Variants in CAMK2G observed in about 807,000 individuals in gnomAD.
CAMK2G encodes calcium/calmodulin-dependent protein kinase type II subunit gamma.
In CAMK2G, 23 loss-of-function variants were observed where a neutral mutation model predicts 88.7. That is an observed-to-expected ratio of 0.26 (90% CI 0.19 to 0.37). The LOEUF is 0.37. Ranked by LOEUF, CAMK2G falls within the 10% of genes least tolerant of loss-of-function variation. The pLI, the probability that CAMK2G is intolerant of heterozygous loss-of-function variation, is 1.00. For synonymous variants in CAMK2G, 263 were observed against 294.8 expected, an observed-to-expected ratio of 0.89 and a Z score of 1.11; for missense variants, 476 against 780.8, an observed-to-expected ratio of 0.61 and a Z score of 4.65.
chr10:73,820,255 C>T (rs1187158610), intron 18 of CAMK2G, among the ~76,000 whole-genome samples: 1 of 151,628 alleles, frequency 6.6e-6, no homozygotes, highest in Admixed American at 6.6e-5. Flanking sequence ...CAGAGATTCC[C>T]GGGGGTCCAG....
intron 14 of CAMK2G, among the ~76,000 whole-genome samples, chr10:73,836,312 G>A (rs1590310935): frequency 1.3e-5 from 2 of 152,096 alleles, no homozygotes; most frequent in African/African-American, 2.4e-5. Context: ...TTCCTATGGC[G>A]ACTGAAAGCC....
intron 3 of CAMK2G, among the ~76,000 whole-genome samples, chr10:73,854,843 G>A (rs545811394): frequency 1.3e-5 from 2 of 152,154 alleles, no homozygotes; most frequent in East Asian, 3.9e-4. Flanking sequence ...GCCAGGGCCG[G>A]AGCCAGGGCC....
chr10:73,837,329 G>A, intron 14 of CAMK2G, 139 bp downstream of exon 14: 1 of 778,584 alleles, frequency 1.3e-6, no homozygotes. Flanking sequence ...CTTCTGTTCT[G>A]AGCACAAAGG....
intron 14 of CAMK2G, among the ~76,000 whole-genome samples, chr10:73,834,867 C>G (rs2093007660): frequency 1.3e-5 from 2 of 152,232 alleles, no homozygotes; most frequent in Middle Eastern, 3.4e-3. Flanking sequence ...TGTAATGGTG[C>G]CTTTTCCATC....
intron 14 of CAMK2G, among the ~76,000 whole-genome samples, chr10:73,836,775 T>C (rs1251657244): frequency 6.6e-6 from 1 of 152,174 alleles, no homozygotes; most frequent in African/African-American, 2.4e-5. Flanking sequence ...CTACAGAATG[T>C]CTTGGGCCCT....
At chr10:73,816,826 G>T in intron 21 of CAMK2G, 197 bp downstream of exon 21, 1 of 1,550,038 alleles carries the variant, frequency 6.5e-7, no homozygotes, top group African/African-American at 1.4e-5. Flanking sequence ...AATGGCACTT[G>T]GAGCTCAGGA....
chr10:73,832,781 T>A (rs549667774), intron 14 of CAMK2G, among the ~76,000 whole-genome samples: 7 of 152,312 alleles, frequency 4.6e-5, no homozygotes, highest in Admixed American at 3.9e-4. Context: ...TTTTTATTTT[T>A]AAATTTAAAA....
intron 2 of CAMK2G, among the ~76,000 whole-genome samples, chr10:73,869,270 C>A (rs1404635741): frequency 6.6e-6 from 1 of 152,228 alleles, no homozygotes; most frequent in Non-Finnish European, 1.5e-5. Context: ...TCAGGGTGAT[C>A]CTTACGCACA....
chr10:73,851,429 C>T lies in CAMK2G; in HGVS notation c.341+825G>A, dbSNP rs541130991. On this transcript the variant is annotated intron_variant, in intron 5 of 22. Coordinates refer to ENST00000423381, the MANE Select transcript of CAMK2G (RefSeq NM_001367534.1). The stretch of plus-strand genomic sequence containing the variant: ...CGGTCCTCAAGTTGGAGGAGCCCCA[C>T]GGCAAGGCTGGTCATGGTGGTCTAG... 2.0e-3 allele frequency among the ~76,000 whole-genome samples: 310 copies of T among 152,090 alleles called. 2 individuals are homozygous for T. Among genetic ancestry groups the T allele is most frequent in the Non-Finnish European group, 4.0e-3 (271 of 68,006 alleles).
chr10:73,860,204 C>A (rs1164940550), intron 3 of CAMK2G, among the ~76,000 whole-genome samples: 1 of 152,196 alleles, frequency 6.6e-6, no homozygotes, highest in Non-Finnish European at 1.5e-5. Flanking sequence ...TTGAGGCAGG[C>A]AAACCTCCTC....
chr10:73,860,710 A>G (rs754749817), intron 3 of CAMK2G, 120 bp downstream of exon 3: 45 of 774,476 alleles, frequency 5.8e-5, no homozygotes, highest in Non-Finnish European at 9.7e-5. Context: ...CTGCTCATGT[A>G]AAAACAGACA....
At chr10:73,838,532 G>C (rs1327787842) in intron 13 of CAMK2G, among the ~76,000 whole-genome samples, 2 of 152,188 alleles carry the variant, frequency 1.3e-5, no homozygotes, top group Non-Finnish European at 2.9e-5. Flanking sequence ...CTGAGTAAGT[G>C]TCCACCATCG....
intron 3 of CAMK2G, among the ~76,000 whole-genome samples, chr10:73,859,528 G>A (rs1251510326): frequency 1.3e-5 from 2 of 152,310 alleles, no homozygotes; most frequent in East Asian, 1.9e-4. Context: ...AAGGCAACAT[G>A]TCAGTCCCCA....
At chr10:73,864,288 G>T (rs889738169) in intron 2 of CAMK2G, among the ~76,000 whole-genome samples, 1 of 151,210 alleles carries the variant, frequency 6.6e-6, no homozygotes, top group Non-Finnish European at 1.5e-5. Context: ...GGGTGACAGA[G>T]CAAGTCAAAA....
intron 3 of CAMK2G, among the ~76,000 whole-genome samples, chr10:73,858,677 C>T (rs1355015372): frequency 2.0e-5 from 3 of 152,204 alleles, no homozygotes; most frequent in Admixed American, 6.5e-5. Context: ...TCTGAGCAGA[C>T]GGCCAGGATA....
intron 2 of CAMK2G, among the ~76,000 whole-genome samples, chr10:73,862,300 C>A (rs937428863): frequency 4.6e-4 from 12 of 26,134 alleles, no homozygotes; most frequent in Admixed American, 9.2e-4. Flanking sequence ...CTACTCCACC[C>A]CCCCCCCCCC....
At chr10:73,849,713 T>TG (rs1470527450) in intron 5 of CAMK2G, among the ~76,000 whole-genome samples, 2 of 152,210 alleles carry the variant, frequency 1.3e-5, no homozygotes, top group Non-Finnish European at 2.9e-5. Flanking sequence ...ACTTTGTTCT[T>TG]GGAGAAGAAG....
chr10:73,832,331 A>G (rs1375363927), intron 14 of CAMK2G, among the ~76,000 whole-genome samples: 1 of 151,444 alleles, frequency 6.6e-6, no homozygotes, highest in Non-Finnish European at 1.5e-5. Flanking sequence ...ATTTTTTGAG[A>G]CAGAATCTTG....
chr10:73,873,284 G>T, intron 1 of CAMK2G: 1 of 1,218,774 alleles, frequency 8.2e-7, no homozygotes, highest in Non-Finnish European at 1.1e-6. Flanking sequence ...AACAGATGTG[G>T]GTGGCGTGCC....
Sources: gnomAD v4.1 joint callset for allele counts (sites outside exome capture counted in the v4.1 genomes callset) on GRCh38, gnomAD v4.1.1 for gene constraint, MANE v1.5 for transcripts, NCBI Gene and HGNC (gene_info 2026-07-23, HGNC 2026-07-21) for gene names.